DACH1: variants seen among roughly 807,000 people sequenced by gnomAD.
DACH1 encodes dachshund family transcription factor 1.
DACH1 carries 12 observed loss-of-function variants against 54.2 expected under a neutral mutation model. That is an observed-to-expected ratio of 0.22 (90% confidence interval 0.14 to 0.36). The LOEUF is 0.36. Ranked by LOEUF, DACH1 falls within the 10% of genes least tolerant of loss-of-function variation. The pLI, the probability that DACH1 is intolerant of heterozygous loss-of-function variation, is 1.00. For missense variants in DACH1, 805 were observed against 929.8 expected, an observed-to-expected ratio of 0.87 and a Z score of 1.75; for synonymous variants, 386 against 366.2, an observed-to-expected ratio of 1.05 and a Z score of -0.62.
At chr13:71,614,996 C>T (rs953855233) in intron 3 of DACH1, among the ~76,000 whole-genome samples, 3 of 150,832 alleles carry the variant, frequency 2.0e-5, no homozygotes, top group African/African-American at 7.3e-5. Flanking sequence ...CTGTTTCTAA[C>T]TAAAATCATG....
intron 7 of DACH1, among the ~76,000 whole-genome samples, chr13:71,480,505 C>G (rs1486092222): frequency 1.3e-5 from 2 of 152,080 alleles, no homozygotes; most frequent in Non-Finnish European, 2.9e-5. Context: ...GTTTTCTCTC[C>G]TAAGATACTT....
At chr13:71,531,662 C>T (rs906485378) in intron 6 of DACH1, among the ~76,000 whole-genome samples, 1 of 151,762 alleles carries the variant, frequency 6.6e-6, no homozygotes, top group Non-Finnish European at 1.5e-5. Flanking sequence ...AAAATCAGTT[C>T]CCAATACACA....
At chr13:71,862,494 A>G (rs773041058) in intron 1 of DACH1, among the ~76,000 whole-genome samples, 14 of 152,048 alleles carry the variant, frequency 9.2e-5, no homozygotes, top group South Asian at 2.1e-4. Context: ...CAACTTTTAA[A>G]TATATGTCCT....
intron 1 of DACH1, among the ~76,000 whole-genome samples, chr13:71,689,578 T>G (rs1881371515): frequency 6.6e-6 from 1 of 152,152 alleles, no homozygotes; most frequent in African/African-American, 2.4e-5. Flanking sequence ...GCCTCTGACC[T>G]CAAAAGTCAC....
At chr13:71,504,532 G>A (rs1880161575) in intron 6 of DACH1, among the ~76,000 whole-genome samples, 1 of 152,132 alleles carries the variant, frequency 6.6e-6, no homozygotes, top group Non-Finnish European at 1.5e-5. Context: ...AGGAAAGGCA[G>A]CGTGGATGAG....
chr13:71,650,529 A>C (rs903188995), intron 2 of DACH1, among the ~76,000 whole-genome samples: 2 of 152,168 alleles, frequency 1.3e-5, no homozygotes, highest in Non-Finnish European at 2.9e-5. Flanking sequence ...ATATTATTGT[A>C]ATAGATAATA....
chr13:71,675,413 G>A lies in DACH1; in HGVS notation c.964+6382C>T. On this transcript the variant is annotated intron_variant, in intron 2 of 10. Coordinates refer to ENST00000613252, the MANE Select transcript of DACH1 (RefSeq NM_080759.6). ...AACCTGTGTGCTATCCATGCCAAAC[G>A]TGTAACAATTATGCCAAAAGACATC... 6.2e-6 allele frequency: 9 copies of A among 1,459,062 alleles called. No individual in the cohort carries two copies. The South Asian group carries it at 8.1e-5, about 13-fold the overall frequency. 90.4% of individuals were successfully genotyped at this position (1,459,062 alleles called of 1,614,324 possible). A position where few individuals can be genotyped will look rare whatever the true frequency, so the allele number is the denominator to read the frequency against.
At chr13:71,864,039 T>G (rs147494265) in intron 1 of DACH1, among the ~76,000 whole-genome samples, 1 of 152,088 alleles carries the variant, frequency 6.6e-6, no homozygotes, top group Non-Finnish European at 1.5e-5. Context: ...AATATAGATT[T>G]TGGGCAAATA....
intron 10 of DACH1, among the ~76,000 whole-genome samples, chr13:71,451,888 G>T (rs971429777): frequency 5.3e-5 from 8 of 152,048 alleles, no homozygotes; most frequent in African/African-American, 1.9e-4. Context: ...GCATACAAGA[G>T]AACATCTTTA....
rs543566592 is a variant in DACH1 at position 71,462,687 on chromosome 13, T to TAA, written c.2083+12452_2083+12453dup. ...ACTGTTCTAACTTCTTTACGTGTAT[T>TAA]AATTCATTTAATCTTCATAACAATT... On this transcript the variant is annotated intron_variant, in intron 10 of 10. Coordinates refer to ENST00000613252, the MANE Select transcript of DACH1 (RefSeq NM_080759.6). Among the ~76,000 whole-genome samples the TAA allele has an allele frequency of 3.3e-3, 501 of 152,098 alleles. 1 individual carries two copies. The highest frequency in any genetic ancestry group is 5.1e-3 in the Admixed American group (77 of 15,236).
Position 71,813,936 on chromosome 13 carries a change from G to C in DACH1, c.848+51986C>G, listed in dbSNP as rs556819321. On this transcript the variant is annotated intron_variant, in intron 1 of 10. Transcript: ENST00000613252. ...TGGGGGCAAAATGATGGCTTAAATG[G>C]TGACGTTAAGCCCTCAAGCCAAGGA... Among the ~76,000 whole-genome samples the C allele has an allele frequency of 2.0e-5, 3 of 152,266 alleles. No homozygotes were observed. The South Asian group carries it at 6.2e-4, about 32-fold the overall frequency.
At chr13:71,804,917 G>A (rs1294285542) in intron 1 of DACH1, among the ~76,000 whole-genome samples, 2 of 151,958 alleles carry the variant, frequency 1.3e-5, no homozygotes, top group Non-Finnish European at 2.9e-5. Context: ...ACGTTTGTTT[G>A]CTTTGTCTTC....
chr13:71,682,081 T>C (rs1157084163), intron 1 of DACH1, among the ~76,000 whole-genome samples, 171 bp from the exon 2 acceptor site: 1 of 152,224 alleles, frequency 6.6e-6, no homozygotes, highest in Non-Finnish European at 1.5e-5. Context: ...GCTGAATTCA[T>C]TTTCCTCATT....
At chr13:71,831,760 C>A (rs1039815791) in intron 1 of DACH1, among the ~76,000 whole-genome samples, 2 of 151,968 alleles carry the variant, frequency 1.3e-5, no homozygotes, top group African/African-American at 2.4e-5. Flanking sequence ...CCTAACATGG[C>A]CTTAACCCCT....
intron 1 of DACH1, among the ~76,000 whole-genome samples, chr13:71,853,887 T>C (rs1032361439): frequency 6.6e-6 from 1 of 152,182 alleles, no homozygotes; most frequent in African/African-American, 2.4e-5. Context: ...TTTTTGAAGT[T>C]ATTATCGGCC....
chr13:71,831,912 G>A (rs918071920), intron 1 of DACH1, among the ~76,000 whole-genome samples: 1 of 151,828 alleles, frequency 6.6e-6, no homozygotes, highest in Non-Finnish European at 1.5e-5. Flanking sequence ...TCTTTATGGT[G>A]GGAACAGAGC....
chr13:71,680,438 G>GA lies in DACH1; in HGVS notation c.964+1356dup, dbSNP rs367569261. Among the ~76,000 whole-genome samples, 960 of 151,566 alleles carry GA rather than the reference G, an allele frequency of 6.3e-3. 14 individuals carry two copies. The highest frequency in any genetic ancestry group is 0.022 in the African/African-American group (909 of 41,338). On this transcript the variant is annotated intron_variant, in intron 2 of 10. Coordinates refer to ENST00000613252, the MANE Select transcript of DACH1 (RefSeq NM_080759.6). ...GCAACATGAAGAAACCCCATCTCTAGAAAAAAAATACAAAAATTAGCCAGG... is the reference window on the plus strand; with the variant it reads ...GCAACATGAAGAAACCCCATCTCTAGAAAAAAAAATACAAAAATTAGCCAGG...
intron 2 of DACH1, among the ~76,000 whole-genome samples, chr13:71,633,730 G>T (rs1326561459): frequency 6.6e-6 from 1 of 152,054 alleles, no homozygotes; most frequent in African/African-American, 2.4e-5. Context: ...AACAATTGCT[G>T]ATTTTAGTTT....
At chr13:71,441,532 A>C (rs895222911) in intron 10 of DACH1, among the ~76,000 whole-genome samples, 4 of 152,084 alleles carry the variant, frequency 2.6e-5, no homozygotes, top group African/African-American at 9.7e-5. Flanking sequence ...TGAAATTCAA[A>C]TTTTAATATG....
Sources: allele counts gnomAD v4.1 joint callset (sites outside exome capture counted in the v4.1 genomes callset), GRCh38; gene constraint gnomAD v4.1.1; transcripts MANE v1.5; gene names NCBI Gene and HGNC (gene_info 2026-07-23, HGNC 2026-07-21).